Variants in RAB38 observed in about 807,000 individuals in gnomAD.
The protein encoded by RAB38 is ras-related protein Rab-38.
A neutral mutation model predicts 18.4 loss-of-function variants in RAB38; 15 were observed. The observed-to-expected ratio is 0.82, with a 90% confidence interval of 0.55 to 1.26. The LOEUF is 1.26. Among genes scored for constraint, RAB38 ranks in the 50% most tolerant of loss-of-function variants. The probability of loss-of-function intolerance (pLI) is 0.00; values close to 1 mark genes in which losing one functional copy is unlikely to be tolerated. For missense variants in RAB38, 294 were observed against 267.4 expected (o/e 1.10, Z -0.69); for synonymous variants, 101 against 104.4 (o/e 0.97, Z 0.20).
chr11:88,077,714 T>C, the RAB38 span, among the ~76,000 whole-genome samples: 1 of 152,140 alleles, frequency 6.6e-6, no homozygotes, highest in South Asian at 2.1e-4. Context: ...CTTCAGGACA[T>C]AGATATTGGC....
At chr11:88,121,503 C>T (rs1942628092) in intron 2 of RAB38, among the ~76,000 whole-genome samples, 1 of 152,148 alleles carries the variant, frequency 6.6e-6, no homozygotes, top group South Asian at 2.1e-4. Flanking sequence ...TAATACAATC[C>T]CTGAAAGTTT....
At chr11:88,169,216 G>A (rs1039010931) in intron 1 of RAB38, among the ~76,000 whole-genome samples, 1 of 152,170 alleles carries the variant, frequency 6.6e-6, no homozygotes, top group South Asian at 2.1e-4. Context: ...CTGGGGGTAA[G>A]GTATTTTGGT....
chr11:87,951,475 T>C, the RAB38 span, among the ~76,000 whole-genome samples: 1 of 151,644 alleles, frequency 6.6e-6, no homozygotes, highest in South Asian at 2.1e-4. Context: ...GCGCTCTGCT[T>C]TTTAGAGTTT....
At chr11:87,818,772 C>A in the RAB38 span, among the ~76,000 whole-genome samples, 57 of 151,860 alleles carry the variant, frequency 3.8e-4, no homozygotes, top group Admixed American at 9.8e-4. Flanking sequence ...AAAATAAAAT[C>A]AAATAATGTA....
At chr11:88,043,602 A>ACCC in the RAB38 span, among the ~76,000 whole-genome samples, 243 of 114,398 alleles carry the variant, frequency 2.1e-3, 1 homozygote, top group Middle Eastern at 4.6e-3. Flanking sequence ...GCACCTTGTG[A>ACCC]CCCCCCCACC....
chr11:88,077,458 T>C, the RAB38 span, among the ~76,000 whole-genome samples: 1 of 152,008 alleles, frequency 6.6e-6, no homozygotes, highest in African/African-American at 2.4e-5. Context: ...TGCAGACACC[T>C]AGATAAATAG....
chr11:88,149,536 G>A, intron 2 of RAB38, 139 bp downstream of exon 2: 1 of 1,021,008 alleles, frequency 9.8e-7, no homozygotes, highest in Non-Finnish European at 1.4e-6. Context: ...GCACTGAGAT[G>A]AGAAAGAGCT....
the RAB38 span, among the ~76,000 whole-genome samples, chr11:87,941,237 A>ATATATATATATATATAGATATATG: frequency 8.1e-6 from 1 of 123,688 alleles, no homozygotes; most frequent in Non-Finnish European, 1.7e-5. Flanking sequence ...ATATATATAT[A>ATATATATATATATATAGATATATG]TATATATATG....
the RAB38 span, among the ~76,000 whole-genome samples, chr11:87,881,814 C>T: frequency 1.3e-5 from 2 of 151,758 alleles, no homozygotes; most frequent in Admixed American, 6.6e-5. Flanking sequence ...CTTTATCCTG[C>T]TAAAAGCACA....
At chr11:87,814,734 C>A in the RAB38 span, among the ~76,000 whole-genome samples, 1 of 148,646 alleles carries the variant, frequency 6.7e-6, no homozygotes. Context: ...TTTTCTTTTT[C>A]TTTTTCTTTT....
intron 1 of RAB38, among the ~76,000 whole-genome samples, chr11:88,150,336 G>A (rs544806802): frequency 1.2e-4 from 18 of 152,226 alleles, no homozygotes; most frequent in African/African-American, 4.1e-4. Flanking sequence ...ACTGCATGTC[G>A]CTAGTGCCTA....
At chr11:88,084,508 A>C in the RAB38 span, among the ~76,000 whole-genome samples, 2 of 151,842 alleles carry the variant, frequency 1.3e-5, no homozygotes, top group African/African-American at 4.8e-5. Flanking sequence ...TCAGAAAATA[A>C]GGAGTAGGAT....
intron 2 of RAB38, among the ~76,000 whole-genome samples, chr11:88,121,012 G>A (rs967750677): frequency 8.5e-5 from 13 of 152,154 alleles, no homozygotes; most frequent in African/African-American, 3.1e-4. Context: ...ACAGGCTACT[G>A]AGCCTCACAG....
At chr11:87,902,489 T>C in the RAB38 span, among the ~76,000 whole-genome samples, 1 of 151,448 alleles carries the variant, frequency 6.6e-6, no homozygotes, top group East Asian at 1.9e-4. Context: ...GTTTTGGTCA[T>C]TCCAGGTTAT....
chr11:87,820,476 A>G, the RAB38 span, among the ~76,000 whole-genome samples: 1 of 152,240 alleles, frequency 6.6e-6, no homozygotes, highest in African/African-American at 2.4e-5. Context: ...TTTTCAATCT[A>G]TAATCTCACC....
the RAB38 span, among the ~76,000 whole-genome samples, chr11:88,027,665 G>C: frequency 7.6e-6 from 1 of 131,538 alleles, no homozygotes; most frequent in Admixed American, 6.9e-5. Context: ...CAGCGAGGCT[G>C]GGGGAGGGGC....
chr11:87,811,676 G>A, the RAB38 span, among the ~76,000 whole-genome samples: 1 of 152,038 alleles, frequency 6.6e-6, no homozygotes, highest in Non-Finnish European at 1.5e-5. Flanking sequence ...CCCTCATTGT[G>A]GTTGTCTTAA....
chr11:87,823,311 A>G, the RAB38 span, among the ~76,000 whole-genome samples: 82 of 152,272 alleles, frequency 5.4e-4, no homozygotes, highest in Non-Finnish European at 1.0e-3. Context: ...AGATTAAAAA[A>G]CTGAATATTG....
At chr11:88,013,995 C>T in the RAB38 span, among the ~76,000 whole-genome samples, 1 of 151,994 alleles carries the variant, frequency 6.6e-6, no homozygotes, top group African/African-American at 2.4e-5. Context: ...AAGTGGTGAC[C>T]GTAGCAGTAG....
Sources: gnomAD v4.1 joint callset for allele counts (sites outside exome capture counted in the v4.1 genomes callset) on GRCh38, gnomAD v4.1.1 for gene constraint, MANE v1.5 for transcripts, NCBI Gene and HGNC (gene_info 2026-07-23, HGNC 2026-07-21) for gene names.